The following NMT1 variants were observed in gnomAD, a reference collection of about 807,000 sequenced individuals.
The protein encoded by NMT1 is glycylpeptide N-tetradecanoyltransferase 1.
NMT1 carries 12 observed loss-of-function variants against 63.4 expected under a neutral mutation model. The observed-to-expected ratio is 0.19, with a 90% confidence interval of 0.12 to 0.31. The LOEUF is 0.31. Among genes scored for constraint, NMT1 ranks in the 10% least tolerant of loss-of-function variants. The pLI, the probability that NMT1 is intolerant of heterozygous loss-of-function variation, is 1.00. For synonymous variants in NMT1, 228 were observed against 234.3 expected (o/e 0.97, Z 0.25); for missense variants, 432 against 634.6 (o/e 0.68, Z 3.43).
chr17:45,090,404 C>CTTCTTCG (rs1209080367), intron 3 of NMT1, among the ~76,000 whole-genome samples: 1 of 150,344 alleles, frequency 6.7e-6, no homozygotes, highest in African/African-American at 2.5e-5. Flanking sequence ...TCATGTCGTT[C>CTTCTTCG]TTCTTTTTAA....
At chr17:45,101,183 C>CA (rs1023934294) in intron 8 of NMT1, among the ~76,000 whole-genome samples, 26 of 150,558 alleles carry the variant, frequency 1.7e-4, no homozygotes, top group Admixed American at 7.3e-4. Context: ...GACTCCATCT[C>CA]AAAAAAAACA....
chr17:45,075,400 GC>G (rs1420894039), intron 1 of NMT1, among the ~76,000 whole-genome samples: 6 of 151,628 alleles, frequency 4.0e-5, no homozygotes, highest in African/African-American at 7.3e-5. Flanking sequence ...GTGAGGATTT[GC>G]TTGAACCTGG....
intron 7 of NMT1, among the ~76,000 whole-genome samples, chr17:45,099,173 G>A (rs572123508): frequency 3.6e-4 from 55 of 152,158 alleles, no homozygotes; most frequent in Non-Finnish European, 6.3e-4. Context: ...TGTAGCAAAG[G>A]AATAGTTTTT....
intron 5 of NMT1, 83 bp downstream of exon 5, chr17:45,096,368 G>T: frequency 9.2e-7 from 1 of 1,084,160 alleles, no homozygotes; most frequent in Admixed American, 1.7e-5. Flanking sequence ...TTTCATCCCT[G>T]CCAGGGGCCA....
intron 1 of NMT1, among the ~76,000 whole-genome samples, chr17:45,072,771 G>A (rs1206165623): frequency 6.8e-6 from 1 of 146,820 alleles, no homozygotes; most frequent in African/African-American, 2.5e-5. Context: ...ATGTTAGCCA[G>A]GATGGTCTCG....
intron 1 of NMT1, chr17:45,062,002 G>A (rs917209550): frequency 6.6e-6 from 1 of 152,372 alleles, no homozygotes; most frequent in Non-Finnish European, 1.5e-5. Context: ...GTATGGTAAT[G>A]CTTTGATTTA....
At chr17:45,067,483 G>C (rs892560150) in intron 1 of NMT1, among the ~76,000 whole-genome samples, 5 of 152,158 alleles carry the variant, frequency 3.3e-5, no homozygotes, top group African/African-American at 4.8e-5. Context: ...CTGGTTGTGA[G>C]ATACTATCCC....
chr17:45,098,650 C>T (rs1157810473), intron 7 of NMT1, 98 bp downstream of exon 7: 3 of 1,152,564 alleles, frequency 2.6e-6, no homozygotes, highest in Non-Finnish European at 3.8e-6. Context: ...CCTTAGCATC[C>T]CACCTCTGGC....
Position 45,103,710 on chromosome 17 carries a change from A to G in NMT1, c.1166A>G (p.Asn389Ser), listed in dbSNP as rs1259100523. The change falls in exon 10 of 12, where the codon AAC becomes AGC. Residue 389 changes from asparagine (N) to serine (S), a missense_variant and splice_region_variant. By Grantham distance (46) the Asn-to-Ser change is conservative. Transcript: ENST00000258960. This position sits in a 1 kb window ranked among gnomAD's most constrained non-coding sequence, Gnocchi z 4.8. ...ENIIDTFVVE[N>S]ANGEVTDFLS... The stretch of plus-strand genomic sequence containing the variant: ...GCCTCTTTATTGCCTTCCCTTCAGA[A>G]CGCAAACGGAGAGGTGACAGATTTC... The G allele has an allele frequency of 3.7e-6, 6 of 1,611,210 alleles. No individual in the cohort carries two copies. Among genetic ancestry groups the G allele is most frequent in the Non-Finnish European group, 5.1e-6 (6 of 1,178,390 alleles).
chr17:45,087,235 C>T (rs757881006), intron 3 of NMT1, among the ~76,000 whole-genome samples: 2 of 152,024 alleles, frequency 1.3e-5, no homozygotes, highest in Non-Finnish European at 2.9e-5. Context: ...GTGGGAATGT[C>T]TGCCCAGAGG....
At chr17:45,094,952 A>G (rs540014975) in intron 4 of NMT1, among the ~76,000 whole-genome samples, 1 of 151,410 alleles carries the variant, frequency 6.6e-6, no homozygotes, top group East Asian at 2.0e-4. Context: ...AGCTGAGATT[A>G]CAACCATCTG....
intron 1 of NMT1, among the ~76,000 whole-genome samples, chr17:45,066,227 A>G (rs1231519686): frequency 6.6e-6 from 1 of 151,808 alleles, no homozygotes; most frequent in Middle Eastern, 3.2e-3. Flanking sequence ...CTAATTTTTC[A>G]TATTTTAGTA....
intron 1 of NMT1, among the ~76,000 whole-genome samples, chr17:45,081,050 G>C (rs964708874): frequency 1.3e-5 from 2 of 152,232 alleles, no homozygotes; most frequent in African/African-American, 4.8e-5. Context: ...TTACAGGTGT[G>C]AGCTACCACG....
chr17:45,078,066 ATC>A (rs1399642257), intron 1 of NMT1, among the ~76,000 whole-genome samples: 5 of 152,080 alleles, frequency 3.3e-5, no homozygotes, highest in African/African-American at 1.2e-4. Context: ...ACTTAACTGG[ATC>A]TCTCCCTGTC....
At chr17:45,081,589 T>G (rs202032923) in intron 1 of NMT1, 55 bp from the exon 2 acceptor site, 1 of 1,464,006 alleles carries the variant, frequency 6.8e-7, no homozygotes, top group Non-Finnish European at 9.4e-7. Context: ...TTGTCAGGGG[T>G]AGCACAAAAC....
At chr17:45,099,267 G>C in intron 7 of NMT1, 138 bp from the exon 8 acceptor site, 1 of 657,424 alleles carries the variant, frequency 1.5e-6, no homozygotes, top group South Asian at 1.8e-5. Flanking sequence ...AGGCTGGAGA[G>C]CAGGGTGACA....
At chr17:45,094,816 T>A in intron 4 of NMT1, among the ~76,000 whole-genome samples, 1 of 139,012 alleles carries the variant, frequency 7.2e-6, no homozygotes, top group South Asian at 2.3e-4. Flanking sequence ...AGGCCTGGCT[T>A]TTTTTTTTTT....
chr17:45,078,840 T>C (rs1316168527), intron 1 of NMT1, among the ~76,000 whole-genome samples: 1 of 152,094 alleles, frequency 6.6e-6, no homozygotes, highest in Non-Finnish European at 1.5e-5. Context: ...TTTTTGGATT[T>C]GTGTTAGAGA....
rs142412419 is a variant in NMT1, at chr17:45,080,322, G to A, written c.132-1322G>A. On this transcript the variant is annotated intron_variant, in intron 1 of 11. Transcript: ENST00000258960. ...ATTACAGGCATGCGCCACCATGCCC[G>A]GCTTATTTTGTATTTTTAGTAGAGA... Among the ~76,000 whole-genome samples the A allele has an allele frequency of 8.3e-3, 1,264 of 151,432 alleles. 13 individuals carry two copies. Among genetic ancestry groups the A allele is most frequent in the African/African-American group, 0.029 (1,196 of 41,294 alleles).
Sources: gnomAD v4.1 joint callset for allele counts (sites outside exome capture counted in the v4.1 genomes callset) on GRCh38, gnomAD v4.1.1 for gene constraint, Gnocchi (gnomAD v3.1) non-coding constraint, MANE v1.5 for transcripts, NCBI Gene and HGNC (gene_info 2026-07-23, HGNC 2026-07-21) for gene names.